The following LRFN2 variants were observed in gnomAD, a reference collection of about 807,000 sequenced individuals.
The protein encoded by LRFN2 is leucine-rich repeat and fibronectin type-III domain-containing protein 2.
In LRFN2, 18 loss-of-function variants were observed where a neutral mutation model predicts 37.3. The ratio of observed to expected loss-of-function variants is 0.48; its 90% CI spans 0.33 to 0.72. The LOEUF is 0.72. Ranked by LOEUF, LRFN2 falls within the 30% of genes least tolerant of loss-of-function variation. LRFN2 has a pLI of 0.02. For synonymous variants in LRFN2, 556 were observed against 466.6 expected (o/e 1.19, Z -2.47); for missense variants, 1,006 against 1,060.7 (o/e 0.95, Z 0.72).
intron 2 of LRFN2, among the ~76,000 whole-genome samples, chr6:40,421,435 C>T (rs1329952224): frequency 6.6e-6 from 1 of 152,096 alleles, no homozygotes; most frequent in Non-Finnish European, 1.5e-5. Flanking sequence ...TCAGTTCAAA[C>T]TGGAAAGGCA....
chr6:40,492,325 T>C (rs962925434), intron 1 of LRFN2, among the ~76,000 whole-genome samples: 3 of 152,120 alleles, frequency 2.0e-5, no homozygotes, highest in Non-Finnish European at 2.9e-5. Context: ...CCTGCTCTCC[T>C]TCCTGCTCGG....
intron 1 of LRFN2, among the ~76,000 whole-genome samples, chr6:40,520,730 T>C (rs930238921): frequency 6.7e-6 from 1 of 148,932 alleles, no homozygotes; most frequent in African/African-American, 2.5e-5. Context: ...GAGGGAGGGG[T>C]GGAGAGTTGC....
chr6:40,556,352 G>T (rs1315925963), intron 1 of LRFN2, among the ~76,000 whole-genome samples: 2 of 152,184 alleles, frequency 1.3e-5, no homozygotes, highest in African/African-American at 4.8e-5. Context: ...TACAGCAGGG[G>T]CCCTTCTGCT....
intron 1 of LRFN2, among the ~76,000 whole-genome samples, chr6:40,555,153 T>C (rs1192628452): frequency 6.6e-6 from 1 of 152,126 alleles, no homozygotes; most frequent in Non-Finnish European, 1.5e-5. Flanking sequence ...TGGGGGCCCC[T>C]CTCCTGCTCC....
intron 1 of LRFN2, among the ~76,000 whole-genome samples, chr6:40,520,099 T>C (rs1019736346): frequency 6.6e-6 from 1 of 152,168 alleles, no homozygotes; most frequent in Non-Finnish European, 1.5e-5. Context: ...AGTTCAGGCC[T>C]GACTCTGAGG....
At position 40,432,982 on chromosome 6, in the gene LRFN2, G is replaced by T. The variant is rs1763547812; in HGVS notation, c.132C>A (p.Leu44=). 5 of 1,612,448 alleles carry T rather than the reference G, an allele frequency of 3.1e-6. No individual in the cohort carries two copies. In the East Asian group the frequency reaches 1.1e-4, roughly 36 times the overall value. The change falls in exon 2 of 3, where the codon CTC becomes CTA. Residue 44 remains leucine (L), a synonymous_variant. Transcript: ENST00000338305. The stretch of plus-strand genomic sequence containing the variant: ...GCCGGTCAATATCAGGGGGTACAAA[G>T]AGCAGCCCCTTGGAGGGGCACAGGG... ...LGTLCPSKGL[L]FVPPDIDRRT...
intron 2 of LRFN2, among the ~76,000 whole-genome samples, chr6:40,394,667 T>C (rs1040322264): frequency 6.6e-6 from 1 of 152,190 alleles, no homozygotes; most frequent in African/African-American, 2.4e-5. Context: ...GGTTTGGCTG[T>C]GTCCCCACCC....
intron 1 of LRFN2, among the ~76,000 whole-genome samples, chr6:40,481,358 C>T (rs1253039234): frequency 6.6e-6 from 1 of 150,650 alleles, no homozygotes; most frequent in East Asian, 2.0e-4. Context: ...TCACTTGAAC[C>T]CAGGAGGCAG....
intron 1 of LRFN2, among the ~76,000 whole-genome samples, chr6:40,477,321 G>T (rs1764731576): frequency 6.6e-6 from 1 of 152,136 alleles, no homozygotes; most frequent in African/African-American, 2.4e-5. Flanking sequence ...CTCCTCGAAG[G>T]CTGGCTGGGA....
intron 1 of LRFN2, among the ~76,000 whole-genome samples, chr6:40,459,468 T>C (rs2113848828): frequency 6.6e-6 from 1 of 152,312 alleles, no homozygotes; most frequent in South Asian, 2.1e-4. Context: ...TACAGTAAAT[T>C]ATGATGTGTC....
chr6:40,425,826 G>A (rs1237869821), intron 2 of LRFN2, among the ~76,000 whole-genome samples: 1 of 152,244 alleles, frequency 6.6e-6, no homozygotes, highest in Non-Finnish European at 1.5e-5. Context: ...GAGCTTATTA[G>A]CTGAAAAAAG....
At chr6:40,409,038 C>A (rs1762906100) in intron 2 of LRFN2, among the ~76,000 whole-genome samples, 1 of 152,218 alleles carries the variant, frequency 6.6e-6, no homozygotes, top group Non-Finnish European at 1.5e-5. Flanking sequence ...GCCCTCATGA[C>A]TTTATCACCC....
intron 1 of LRFN2, among the ~76,000 whole-genome samples, chr6:40,434,148 C>T (rs370589092): frequency 2.6e-5 from 4 of 152,164 alleles, no homozygotes; most frequent in African/African-American, 4.8e-5. Flanking sequence ...TTGCTCTAGC[C>T]GTAAAGCCCC....
At position 40,561,082 on chromosome 6, in the gene LRFN2, T is replaced by A. The variant is rs191535076; in HGVS notation, c.-19+25859A>T. On this transcript the variant is annotated intron_variant, in intron 1 of 2. Coordinates refer to ENST00000338305, the MANE Select transcript of LRFN2 (RefSeq NM_020737.3). ...AAGCAGGGTGTGTTCAGAAGAGAGG[T>A]ACCTTCAATGGGACCTCAGAGACAT... Among the ~76,000 whole-genome samples, 528 of 152,238 alleles carry A rather than the reference T, an allele frequency of 3.5e-3. 4 individuals carry two copies. Among genetic ancestry groups the A allele is most frequent in the African/African-American group, 0.012 (501 of 41,540 alleles).
chr6:40,563,699 C>G (rs1344105789), intron 1 of LRFN2, among the ~76,000 whole-genome samples: 1 of 152,106 alleles, frequency 6.6e-6, no homozygotes, highest in East Asian at 1.9e-4. Flanking sequence ...CCTGGGCTGC[C>G]AAGAAACAAG....
At chr6:40,556,783 CT>C (rs1581793443) in intron 1 of LRFN2, among the ~76,000 whole-genome samples, 2 of 150,310 alleles carry the variant, frequency 1.3e-5, no homozygotes, top group East Asian at 4.0e-4. Flanking sequence ...TCTTGGCCAC[CT>C]TCTGGATGGC....
chr6:40,492,306 G>A (rs1248956455), intron 1 of LRFN2, among the ~76,000 whole-genome samples: 1 of 152,144 alleles, frequency 6.6e-6, no homozygotes, highest in Non-Finnish European at 1.5e-5. Flanking sequence ...CCTCTTGCCT[G>A]TCCTGGAACC....
At chr6:40,577,522 C>T (rs937233356) in intron 1 of LRFN2, among the ~76,000 whole-genome samples, 4 of 150,660 alleles carry the variant, frequency 2.7e-5, no homozygotes, top group African/African-American at 4.9e-5. Context: ...CATGCTGGTG[C>T]GCTGCACCCA....
intron 1 of LRFN2, among the ~76,000 whole-genome samples, chr6:40,525,386 T>G (rs1490506682): frequency 6.6e-6 from 1 of 152,228 alleles, no homozygotes; most frequent in African/African-American, 2.4e-5. Context: ...AGCTGCCAAT[T>G]TACATTCATT....
Sources: gnomAD v4.1 joint callset for allele counts (sites outside exome capture counted in the v4.1 genomes callset) on GRCh38, gnomAD v4.1.1 for gene constraint, MANE v1.5 for transcripts, NCBI Gene and HGNC (gene_info 2026-07-23, HGNC 2026-07-21) for gene names.